The following TONSL variants were observed in gnomAD, a reference collection of about 807,000 sequenced individuals.
TONSL encodes the protein tonsoku-like protein.
Under a neutral mutation model 147.1 loss-of-function variants are expected in TONSL, and 112 were observed. The observed-to-expected ratio is 0.76, with a 90% CI of 0.65 to 0.89. TONSL has a LOEUF of 0.89. TONSL is among the 40% of genes least tolerant of loss of function. The pLI, the probability that TONSL is intolerant of heterozygous loss-of-function variation, is 0.00. For missense variants in TONSL, 1,883 were observed against 1,864.6 expected (o/e 1.01, Z -0.18); for synonymous variants, 868 against 801.5 (o/e 1.08, Z -1.40).
Position 144,435,519 on chromosome 8 carries a change from C to G in TONSL, c.2807G>C (p.Arg936Pro). 6.5e-7 allele frequency: 1 copy of G among 1,550,048 alleles called. No individual in the cohort carries two copies. Among genetic ancestry groups the G allele is most frequent in the Non-Finnish European group, 8.7e-7 (1 of 1,146,498 alleles). The stretch of plus-strand genomic sequence containing the variant: ...GAAGAGATGATCCTGAACTTGAACT[C>G]GAACCCGGATGGGAGGGGGCGGGGC... Reference protein sequence around the residue: ...GPAPPPPIRVRVQVQDHLFLI... With the variant: ...GPAPPPPIRVPVQVQDHLFLI... The change falls in exon 18 of 26, where the codon CGA becomes CCA. Residue 936 changes from arginine (R) to proline (P), a missense_variant. Transcript: ENST00000409379.
intron 25 of TONSL, 147 bp from the exon 26 acceptor site, chr8:144,429,483 A>G (rs992575801): frequency 7.4e-6 from 5 of 677,994 alleles, no homozygotes; most frequent in Non-Finnish European, 8.7e-6. Flanking sequence ...GAGAGGCCCC[A>G]TGACTCTCCA....
At chr8:144,432,150 C>T (rs1823228016) in intron 23 of TONSL, 135 bp downstream of exon 23, 1 of 1,040,272 alleles carries the variant, frequency 9.6e-7, no homozygotes, top group Non-Finnish European at 1.4e-6. Flanking sequence ...TCTAAACCTC[C>T]AAACCTCTAA....
chr8:144,433,437 TG>T lies in TONSL; in HGVS notation c.3559+150del, dbSNP rs1375133918. The T allele has an allele frequency of 1.2e-5, 9 of 766,344 alleles. No individual in the cohort carries two copies. In the African/African-American group the frequency reaches 1.4e-4, roughly 12 times the overall value. 47.5% of individuals were successfully genotyped at this position (766,344 alleles called of 1,614,324 possible). On this transcript the variant is annotated intron_variant, in intron 22 of 25. Coordinates refer to ENST00000409379, the MANE Select transcript of TONSL (RefSeq NM_013432.5). ...GTGGGCCAGGCTTTCCTGGAACTCTTGGCTCAAGCGATACTCCCGCCTCAGC... is the reference window on the plus strand; with the variant it reads ...GTGGGCCAGGCTTTCCTGGAACTCTTGCTCAAGCGATACTCCCGCCTCAGC...
intron 7 of TONSL, chr8:144,441,560 C>G: frequency 1.0e-5 from 2 of 199,094 alleles, no homozygotes; most frequent in Admixed American, 5.3e-5. Context: ...CCACTGCACT[C>G]CAGCCTGGGT....
intron 11 of TONSL, 166 bp from the exon 12 acceptor site, chr8:144,438,901 C>G: frequency 1.5e-6 from 1 of 688,646 alleles, no homozygotes; most frequent in Non-Finnish European, 2.5e-6. Flanking sequence ...ATGGTCCCAG[C>G]GCTGCCTCCA....
chr8:144,436,889 G>A lies in TONSL; in HGVS notation c.1758C>T (p.Ala586=), dbSNP rs538123068. The A allele has an allele frequency of 8.1e-6, 13 of 1,608,812 alleles. No homozygotes were observed. Among genetic ancestry groups the A allele is most frequent in the East Asian group, 6.7e-5 (3 of 44,860 alleles). Residue 586 remains alanine, a synonymous_variant, in exon 15 of 26, where the codon GCC becomes GCT. Transcript: ENST00000409379. ...EIVRFLLDHG[A]AVDDPGGQGC... Reference sequence around the variant, plus strand: ...CCTGGCCACCTGGGTCGTCCACTGCGGCCCCGTGGTCCAGCAGGAAGCGGA... The same window carrying A: ...CCTGGCCACCTGGGTCGTCCACTGCAGCCCCGTGGTCCAGCAGGAAGCGGA...
intron 23 of TONSL, among the ~76,000 whole-genome samples, chr8:144,431,671 C>T (rs1278680399): frequency 1.3e-5 from 2 of 151,920 alleles, no homozygotes; most frequent in Non-Finnish European, 2.9e-5. Context: ...CGTCACCACG[C>T]CCGGCTAATT....
chr8:144,435,423 T>G, intron 18 of TONSL, 51 bp downstream of exon 18: 11 of 1,451,638 alleles, frequency 7.6e-6, no homozygotes, highest in Non-Finnish European at 1.0e-5. Flanking sequence ...ACGAGCACCC[T>G]GGCATGGAGC....
rs1358694163 is a variant in TONSL, at chr8:144,440,013, G to T, written c.1480+8C>A. ...CCCAGGGAAATGCAAGGTGCCGCTG[G>T]CCCTCACCGCCCTCTGAGAGCTCCA... is the stretch of plus-strand genomic sequence containing the variant. On this transcript the variant is annotated splice_region_variant and intron_variant, in intron 11 of 25. Transcript: ENST00000409379. 1 of 1,058,824 alleles carries T rather than the reference G, an allele frequency of 9.4e-7. No individual in the cohort carries two copies. The highest frequency in any genetic ancestry group is 2.4e-5 in the East Asian group (1 of 42,532). The allele number at this position is 1,058,824 out of a possible 1,614,324, so 65.6% of individuals were successfully genotyped here. A position where few individuals can be genotyped will look rare whatever the true frequency, so the allele number is the denominator to read the frequency against.
chr8:144,430,115 G>C (rs1486628072), intron 25 of TONSL, among the ~76,000 whole-genome samples: 1 of 152,204 alleles, frequency 6.6e-6, no homozygotes, highest in African/African-American at 2.4e-5. Flanking sequence ...GGGACAAGAA[G>C]AAAGTCCCTG....
In TONSL at chr8:144,434,971, C is replaced by T. The variant is rs980304078; in HGVS notation, c.3006+46G>A. On this transcript the variant is annotated intron_variant, in intron 19 of 25. Transcript: ENST00000409379. Reference sequence around the variant, plus strand: ...TCTGCAGCCATGAGCCACCCGGGGGCTCCCGGTGCCTGAGGCCCTGGCTCC... The same window carrying T: ...TCTGCAGCCATGAGCCACCCGGGGGTTCCCGGTGCCTGAGGCCCTGGCTCC... The T allele has an allele frequency of 1.9e-6, 3 of 1,611,202 alleles. No individual in the cohort carries two copies. In the South Asian group the frequency reaches 3.3e-5, roughly 18 times the overall value.
chr8:144,438,613 C>A, intron 12 of TONSL, 40 bp downstream of exon 12: 1 of 1,606,596 alleles, frequency 6.2e-7, no homozygotes. Context: ...GCTGGCAGGG[C>A]TGCTGAGCGG....
At chr8:144,435,194 C>T (rs1210999043) in intron 18 of TONSL, 24 bp from the exon 19 acceptor site, 3 of 1,486,280 alleles carry the variant, frequency 2.0e-6, no homozygotes, top group Non-Finnish European at 2.7e-6. Flanking sequence ...GGCGCTGCTG[C>T]TGCTGCCTGC....
In TONSL at chr8:144,444,381, G is replaced by C. The variant is rs1266623734; in HGVS notation, c.25+9C>G. 1.6e-6 allele frequency: 2 copies of C among 1,276,026 alleles called. No homozygotes were observed. Among genetic ancestry groups the C allele is most frequent in the South Asian group, 2.7e-5 (1 of 36,980 alleles). The allele number at this position is 1,276,026 out of a possible 1,614,324, so 79.0% of individuals were successfully genotyped here. A position where few individuals can be genotyped will look rare whatever the true frequency, so the allele number is the denominator to read the frequency against. On this transcript the variant is annotated intron_variant, in intron 1 of 25. Coordinates refer to ENST00000409379, the MANE Select transcript of TONSL (RefSeq NM_013432.5). ...CGCCCCCGGAGGAAGGGGTCCCCGA[G>C]GAACTTACGGCGAAGCTCGCGCTCC...
chr8:144,443,390 C>T, intron 3 of TONSL, 69 bp from the exon 4 acceptor site: 1 of 1,437,766 alleles, frequency 7.0e-7, no homozygotes, highest in Middle Eastern at 2.0e-4. Context: ...GCCAGATTCC[C>T]AGAGACCCTG....
Position 144,429,154 on chromosome 8 carries a change from G to A in TONSL, c.4126C>T (p.Arg1376Trp), listed in dbSNP as rs1554877908. 2 of 1,530,204 alleles carry A rather than the reference G, an allele frequency of 1.3e-6. No homozygotes were observed. The highest frequency in any genetic ancestry group is 1.7e-6 in the Non-Finnish European group (2 of 1,143,836). 94.8% of individuals were successfully genotyped at this position (1,530,204 alleles called of 1,614,324 possible). ...AGGCAGCGCCAGGGTCAGAGGCGCC[G>A]AAAGAAGAGCTTGGAGCCGTGGTCC... ...TLDHGSKLFFRRL is the reference protein window; with the variant it reads ...TLDHGSKLFFWRL Residue 1376 changes from arginine to tryptophan, a missense_variant, in exon 26 of 26, where the codon CGG becomes TGG. Transcript: ENST00000409379.
At position 144,429,122 on chromosome 8, in the gene TONSL, T is replaced by A; in HGVS notation, c.*21A>T. On this transcript the variant is annotated 3_prime_UTR_variant, in exon 26 of 26. Transcript: ENST00000409379. ...CATTTATTAGGGGCTTCGGTGAGGG[T>A]GGGGAAAGGCAGCGCCAGGGTCAGA... is the stretch of plus-strand genomic sequence containing the variant. 1 of 1,508,724 alleles carries A rather than the reference T, an allele frequency of 6.6e-7. No individual in the cohort carries two copies. 93.5% of individuals were successfully genotyped at this position (1,508,724 alleles called of 1,614,324 possible). A position where few individuals can be genotyped will look rare whatever the true frequency, so the allele number is the denominator to read the frequency against.
At chr8:144,439,902 T>C in intron 11 of TONSL, 119 bp downstream of exon 11, 1 of 616,314 alleles carries the variant, frequency 1.6e-6, no homozygotes, top group Non-Finnish European at 2.9e-6. Flanking sequence ...CTGGCCGTCC[T>C]GCCTGCCTGT....
chr8:144,435,280 TC>T lies in TONSL; in HGVS notation c.2853-111del. 3 of 1,397,240 alleles carry T rather than the reference TC, an allele frequency of 2.1e-6. No homozygotes were observed. In the South Asian group the frequency reaches 4.5e-5, roughly 21 times the overall value. The allele number at this position is 1,397,240 out of a possible 1,614,324, so 86.6% of individuals were successfully genotyped here. A position where few individuals can be genotyped will look rare whatever the true frequency, so the allele number is the denominator to read the frequency against. On this transcript the variant is annotated intron_variant, in intron 18 of 25. Coordinates refer to ENST00000409379, the MANE Select transcript of TONSL (RefSeq NM_013432.5). The stretch of plus-strand genomic sequence containing the variant: ...AAGCCCCCTCAGCTGCTTCTCCCAT[TC>T]CCAGGTAGCCGGCCCCTCCTCTCCC...
Sources: gnomAD v4.1 joint callset for allele counts (sites outside exome capture counted in the v4.1 genomes callset) on GRCh38, gnomAD v4.1.1 for gene constraint, MANE v1.5 for transcripts, NCBI Gene and HGNC (gene_info 2026-07-23, HGNC 2026-07-21) for gene names.